Variants in GRIA4 observed in about 807,000 individuals in gnomAD.
The protein encoded by GRIA4 is glutamate ionotropic receptor AMPA type subunit 4.
GRIA4 carries 34 observed loss-of-function variants against 104.0 expected under a neutral mutation model. That is an observed-to-expected ratio of 0.33 (90% CI 0.25 to 0.44). GRIA4 has a LOEUF of 0.44. GRIA4 is among the 20% of genes least tolerant of loss of function. GRIA4 has a pLI of 1.00. For missense variants in GRIA4, 750 were observed against 1,096.5 expected (o/e 0.68, Z 4.46); for synonymous variants, 386 against 381.9 (o/e 1.01, Z -0.13).
intron 4 of GRIA4, among the ~76,000 whole-genome samples, chr11:105,807,260 C>T (rs1404642869): frequency 2.6e-5 from 4 of 151,900 alleles, no homozygotes; most frequent in African/African-American, 9.6e-5. Flanking sequence ...ATTTAACTAT[C>T]TCAAAATTAT....
At chr11:105,952,238 G>A (rs1440963517) in intron 14 of GRIA4, among the ~76,000 whole-genome samples, 1 of 152,036 alleles carries the variant, frequency 6.6e-6, no homozygotes, top group Non-Finnish European at 1.5e-5. Context: ...GCCCTTCCAA[G>A]GTCTGTGAAC....
chr11:105,829,064 T>C (rs2135926673), intron 4 of GRIA4, among the ~76,000 whole-genome samples: 1 of 143,610 alleles, frequency 7.0e-6, no homozygotes, highest in Non-Finnish European at 1.5e-5. Flanking sequence ...TAACAGCTGC[T>C]ATTTATTGTG....
intron 4 of GRIA4, among the ~76,000 whole-genome samples, chr11:105,764,522 C>T (rs1940840048): frequency 6.6e-6 from 1 of 152,030 alleles, no homozygotes; most frequent in African/African-American, 2.4e-5. Flanking sequence ...GTATAAGGAA[C>T]CATAGAGTCT....
chr11:105,709,439 T>C (rs925376725), intron 3 of GRIA4, among the ~76,000 whole-genome samples: 1 of 152,128 alleles, frequency 6.6e-6, no homozygotes, highest in African/African-American at 2.4e-5. Flanking sequence ...CTAAAATTAA[T>C]AGGTGAATGT....
chr11:105,848,709 G>T (rs1944685364), intron 4 of GRIA4, among the ~76,000 whole-genome samples: 1 of 152,120 alleles, frequency 6.6e-6, no homozygotes, highest in Non-Finnish European at 1.5e-5. Flanking sequence ...TAAAAGGTGT[G>T]GGCAAGCTTT....
intron 4 of GRIA4, among the ~76,000 whole-genome samples, chr11:105,856,858 T>G (rs563963113): frequency 6.6e-6 from 1 of 152,300 alleles, no homozygotes; most frequent in African/African-American, 2.4e-5. Flanking sequence ...TAACAATGAT[T>G]ATTATCAATC....
intron 14 of GRIA4, among the ~76,000 whole-genome samples, chr11:105,959,898 A>G (rs1250535714): frequency 6.6e-6 from 1 of 151,944 alleles, no homozygotes; most frequent in Non-Finnish European, 1.5e-5. Context: ...TTTGCTGGAG[A>G]TTTACTTTAG....
In GRIA4 at chr11:105,610,889, T is replaced by G; in HGVS notation, c.-90-19T>G. 1.6e-5 allele frequency: 5 copies of G among 306,936 alleles called. No individual in the cohort carries two copies. The highest frequency in any genetic ancestry group is 9.0e-5 in the South Asian group (1 of 11,066). 19.0% of individuals were successfully genotyped at this position (306,936 alleles called of 1,614,324 possible). On this transcript the variant is annotated intron_variant, in intron 1 of 16. Transcript: ENST00000282499. ...TCTTTTCTTTTTTTTTTTTTTTTTT[T>G]GGTTGATTTTAATTTTAGCGCCATC...
intron 14 of GRIA4, among the ~76,000 whole-genome samples, chr11:105,941,559 T>C (rs1323861320): frequency 6.6e-6 from 1 of 151,678 alleles, no homozygotes; most frequent in Non-Finnish European, 1.5e-5. Context: ...CTTTCTTTAA[T>C]TTTTTTTTAA....
intron 14 of GRIA4, among the ~76,000 whole-genome samples, chr11:105,935,230 G>T (rs956960654): frequency 5.9e-5 from 9 of 152,178 alleles, no homozygotes; most frequent in African/African-American, 2.2e-4. Flanking sequence ...GGGTTTTATA[G>T]TATGTCACAA....
At chr11:105,751,971 C>T (rs558869532) in intron 3 of GRIA4, among the ~76,000 whole-genome samples, 1 of 152,218 alleles carries the variant, frequency 6.6e-6, no homozygotes, top group Admixed American at 6.5e-5. Flanking sequence ...GGACTGTTAG[C>T]CATACATGAT....
chr11:105,614,465 T>G (rs1255506207), intron 3 of GRIA4: 1 of 151,896 alleles, frequency 6.6e-6, no homozygotes, highest in Non-Finnish European at 1.5e-5. Flanking sequence ...ATTAGCAAGT[T>G]GCATACAGAA....
chr11:105,651,742 T>C (rs998628378), intron 3 of GRIA4, among the ~76,000 whole-genome samples: 2 of 151,956 alleles, frequency 1.3e-5, no homozygotes, highest in African/African-American at 2.4e-5. Flanking sequence ...TGGCTCAATA[T>C]ATAGTAACAT....
intron 4 of GRIA4, among the ~76,000 whole-genome samples, chr11:105,848,664 G>A (rs1359750413): frequency 1.3e-5 from 2 of 152,088 alleles, no homozygotes; most frequent in Admixed American, 1.3e-4. Context: ...CTCTAACTGG[G>A]TCATCAAAAA....
intron 3 of GRIA4, among the ~76,000 whole-genome samples, chr11:105,751,585 C>T (rs1940002204): frequency 6.6e-6 from 1 of 152,118 alleles, no homozygotes; most frequent in East Asian, 1.9e-4. Context: ...GATGGTTCTT[C>T]TTTGATAGAA....
intron 3 of GRIA4, chr11:105,614,527 T>C (rs1300470769): frequency 6.6e-6 from 1 of 152,088 alleles, no homozygotes; most frequent in Admixed American, 6.5e-5. Flanking sequence ...CCTTAACATA[T>C]AAGGATTGAG....
intron 4 of GRIA4, among the ~76,000 whole-genome samples, chr11:105,774,668 C>A (rs915484936): frequency 6.6e-6 from 1 of 151,956 alleles, no homozygotes; most frequent in African/African-American, 2.4e-5. Context: ...ATTCCTGATC[C>A]AAAATTTATA....
chr11:105,815,215 C>A (rs996141234), intron 4 of GRIA4, among the ~76,000 whole-genome samples: 9 of 152,146 alleles, frequency 5.9e-5, no homozygotes, highest in African/African-American at 2.2e-4. Flanking sequence ...AATAAATTCT[C>A]TTTTTGCTTA....
chr11:105,793,411 TG>T (rs1942305086), intron 4 of GRIA4, among the ~76,000 whole-genome samples: 1 of 152,190 alleles, frequency 6.6e-6, no homozygotes, highest in South Asian at 2.1e-4. Flanking sequence ...CTGCTAGGTC[TG>T]TCTTCTGCTC....
Sources: allele counts gnomAD v4.1 joint callset (sites outside exome capture counted in the v4.1 genomes callset), GRCh38; gene constraint gnomAD v4.1.1; transcripts MANE v1.5; gene names NCBI Gene and HGNC (gene_info 2026-07-23, HGNC 2026-07-21).